Variants in ZNF423 observed in about 807,000 individuals in gnomAD.
The protein encoded by ZNF423 is zinc finger protein 423.
Under a neutral mutation model 95.8 loss-of-function variants are expected in ZNF423, and 12 were observed. The ratio of observed to expected loss-of-function variants is 0.13; its 90% CI spans 0.08 to 0.20. ZNF423 has a LOEUF of 0.20. ZNF423 is among the 10% of genes least tolerant of loss of function. ZNF423 has a pLI of 1.00. For missense variants in ZNF423, 1,316 were observed against 1,737.1 expected, an observed-to-expected ratio of 0.76 and a Z score of 4.31; for synonymous variants, 749 against 711.9, an observed-to-expected ratio of 1.05 and a Z score of -0.83.
At chr16:49,761,073 C>A (rs1360789062) in intron 2 of ZNF423, among the ~76,000 whole-genome samples, 3 of 152,132 alleles carry the variant, frequency 2.0e-5, no homozygotes, top group Admixed American at 6.5e-5. Context: ...CACATGCACA[C>A]ACACACCCTC....
chr16:49,546,603 A>G (rs1452973508), intron 5 of ZNF423, among the ~76,000 whole-genome samples: 1 of 152,222 alleles, frequency 6.6e-6, no homozygotes, highest in Non-Finnish European at 1.5e-5. Context: ...ACTCGAGGGC[A>G]AGACATCAGA....
At chr16:49,538,160 T>C (rs1293673425) in intron 5 of ZNF423, among the ~76,000 whole-genome samples, 4 of 151,926 alleles carry the variant, frequency 2.6e-5, no homozygotes, top group African/African-American at 9.7e-5. Flanking sequence ...ACTGGGCAGG[T>C]AAAGAATGGG....
chr16:49,694,036 G>A (rs571641498), intron 3 of ZNF423, among the ~76,000 whole-genome samples: 1 of 152,228 alleles, frequency 6.6e-6, no homozygotes, highest in Admixed American at 6.5e-5. Flanking sequence ...CTAGAGCCAA[G>A]TCTCACGAAA....
Position 49,518,203 on chromosome 16 carries a change from C to A in ZNF423, c.3849+5421G>T, listed in dbSNP as rs901344723. The A allele has an allele frequency of 9.7e-5, 37 of 380,556 alleles. 2 individuals carry two copies. Among genetic ancestry groups the A allele is most frequent in the South Asian group, 6.0e-4 (30 of 49,610 alleles). The allele number at this position is 380,556 out of a possible 1,614,324, so 23.6% of individuals were successfully genotyped here. A position where few individuals can be genotyped will look rare whatever the true frequency, so the allele number is the denominator to read the frequency against. On this transcript the variant is annotated intron_variant, in intron 7 of 7. Transcript: ENST00000563137. ...CTACATAACCTGTGTTGACCACATG[C>A]ACTTGTAGCTTCTGCATAGGTCCCC... is the stretch of plus-strand genomic sequence containing the variant.
intron 5 of ZNF423, among the ~76,000 whole-genome samples, chr16:49,527,170 A>G (rs967581661): frequency 6.6e-6 from 1 of 151,866 alleles, no homozygotes; most frequent in African/African-American, 2.4e-5. Context: ...GCAGAGGCGC[A>G]CACACACACG....
intron 2 of ZNF423, among the ~76,000 whole-genome samples, chr16:49,757,795 G>T (rs1439650607): frequency 1.3e-5 from 2 of 152,182 alleles, no homozygotes; most frequent in African/African-American, 4.8e-5. Flanking sequence ...GCCGTGGCAG[G>T]TGGGAGATTA....
At position 49,525,482 on chromosome 16, in the gene ZNF423, T is replaced by C; in HGVS notation, c.3614A>G (p.Asn1205Ser). The change falls in exon 6 of 8, where the codon AAC becomes AGC. Residue 1205 changes from asparagine to serine, a missense_variant. By Grantham distance (46) the Asn-to-Ser change is conservative. This residue lies in a region of ZNF423 where 75 missense variants were observed against 163.5 expected (regional missense o/e 0.46). Coordinates refer to ENST00000563137, the MANE Select transcript of ZNF423 (RefSeq NM_001379286.1). ...VANHMIEEGI[N>S]HECKLCNQMF... ...CTGGTTGCACAGCTTACACTCGTGG[T>C]TGATGCCTTCCTCTGCAAGGAAAAC... The C allele has an allele frequency of 6.2e-7, 1 of 1,614,056 alleles. No homozygotes were observed. Among genetic ancestry groups the C allele is most frequent in the South Asian group, 1.1e-5 (1 of 91,066 alleles).
intron 3 of ZNF423, among the ~76,000 whole-genome samples, chr16:49,663,148 T>C (rs2030333724): frequency 6.6e-6 from 1 of 152,188 alleles, no homozygotes; most frequent in Non-Finnish European, 1.5e-5. Flanking sequence ...CGCGCCATTC[T>C]CACACCCCGC....
At chr16:49,853,596 C>T (rs2035325502) in intron 1 of ZNF423, 8 of 979,326 alleles carry the variant, frequency 8.2e-6, no homozygotes, top group South Asian at 9.4e-5. Flanking sequence ...GTCTCCTGTT[C>T]ACCTTGCTGC....
At chr16:49,530,627 A>G (rs1020935639) in intron 5 of ZNF423, among the ~76,000 whole-genome samples, 15 of 152,116 alleles carry the variant, frequency 9.9e-5, no homozygotes, top group African/African-American at 3.6e-4. Context: ...AGTGCTGGTA[A>G]ATGCCATCAC....
At chr16:49,529,521 A>C (rs184076127) in intron 5 of ZNF423, among the ~76,000 whole-genome samples, 102 of 152,334 alleles carry the variant, frequency 6.7e-4, no homozygotes, top group Admixed American at 5.7e-3. Flanking sequence ...AAACTGTGTC[A>C]GCCCAAAAGA....
chr16:49,763,271 T>TTTTTG (rs912451232), intron 2 of ZNF423, among the ~76,000 whole-genome samples: 28 of 151,986 alleles, frequency 1.8e-4, no homozygotes, highest in East Asian at 7.8e-4. Flanking sequence ...TTGGTTTTTG[T>TTTTTG]TTTTGTTTTG....
At chr16:49,794,853 A>G (rs1303084945) in intron 1 of ZNF423, among the ~76,000 whole-genome samples, 2 of 152,204 alleles carry the variant, frequency 1.3e-5, no homozygotes, top group African/African-American at 2.4e-5. Flanking sequence ...CAGTGCAAAC[A>G]TAGTAGCAGG....
chr16:49,857,518 T>A (rs2035384508), upstream of ZNF423, among the ~76,000 whole-genome samples: 1 of 152,148 alleles, frequency 6.6e-6, no homozygotes, highest in African/African-American at 2.4e-5. This position sits in a 1 kb window ranked among gnomAD's most constrained non-coding sequence, Gnocchi z 6.2. Flanking sequence ...GCCCTAGTAT[T>A]GCCACCTCGC....
At chr16:49,741,251 T>C (rs148013664) in intron 2 of ZNF423, among the ~76,000 whole-genome samples, 15 of 151,866 alleles carry the variant, frequency 9.9e-5, no homozygotes, top group African/African-American at 3.6e-4. Flanking sequence ...TCCCAGCACT[T>C]TGGGGGGCCA....
At chr16:49,684,847 T>C (rs188073293) in intron 3 of ZNF423, among the ~76,000 whole-genome samples, 1 of 152,318 alleles carries the variant, frequency 6.6e-6, no homozygotes, top group East Asian at 1.9e-4. Context: ...GAGGGGGCCC[T>C]GACACGCGGC....
rs1194864414 is a variant in ZNF423, at chr16:49,506,226, G to A, written c.3850-14922C>T. On this transcript the variant is annotated intron_variant, in intron 7 of 7. Coordinates refer to ENST00000563137, the MANE Select transcript of ZNF423 (RefSeq NM_001379286.1). ...TGGAGGGTGATGATGGTGAAAGAAC[G>A]TGTAGCTGGATGGATAGGGAGATGG... is the stretch of plus-strand genomic sequence containing the variant. Among the ~76,000 whole-genome samples the A allele has an allele frequency of 3.9e-5, 6 of 152,346 alleles. No individual in the cohort carries two copies. In the East Asian group the frequency reaches 5.8e-4, roughly 15 times the overall value.
intron 3 of ZNF423, among the ~76,000 whole-genome samples, chr16:49,646,686 C>T (rs541514477): frequency 6.6e-5 from 10 of 151,466 alleles, no homozygotes; most frequent in South Asian, 2.1e-4. Context: ...TTCTCTGCCT[C>T]GGTAGGAATC....
rs1183918272 is a variant in ZNF423 at position 49,488,301 on chromosome 16, C to T, written c.*2974G>A. The T allele has an allele frequency of 6.6e-6, 1 of 152,256 alleles. No individual in the cohort carries two copies. 9.4% of individuals were successfully genotyped at this position (152,256 alleles called of 1,614,324 possible). ...GATTTCTCCCATGACAGTTTCTCCACTGAGACTGAAACCCTTACCTGCCTG... is the reference window on the plus strand; with the variant it reads ...GATTTCTCCCATGACAGTTTCTCCATTGAGACTGAAACCCTTACCTGCCTG... On this transcript the variant is annotated 3_prime_UTR_variant, in exon 8 of 8. Transcript: ENST00000563137.
Sources: allele counts gnomAD v4.1 joint callset (sites outside exome capture counted in the v4.1 genomes callset), GRCh38; gene constraint gnomAD v4.1.1; regional missense constraint gnomAD v4.1.1; non-coding constraint Gnocchi (gnomAD v3.1); transcripts MANE v1.5; gene names NCBI Gene and HGNC (gene_info 2026-07-23, HGNC 2026-07-21).